SCN10A: variants seen among roughly 807,000 people sequenced by gnomAD.
The protein encoded by SCN10A is sodium voltage-gated channel alpha subunit 10, also known as sodium channel protein type 10 subunit alpha.
Under a neutral mutation model 170.7 loss-of-function variants are expected in SCN10A, and 162 were observed. That is an observed-to-expected ratio of 0.95 (90% confidence interval 0.84 to 1.08). The LOEUF (loss-of-function observed/expected upper bound fraction) is 1.08, where lower values mean the gene tolerates loss of function less well. Among genes scored for constraint, SCN10A ranks in the 50% least tolerant of loss-of-function variants. SCN10A has a pLI of 0.00. For synonymous variants in SCN10A, 985 were observed against 904.6 expected, an observed-to-expected ratio of 1.09 and a Z score of -1.59; for missense variants, 2,527 against 2,436.9, an observed-to-expected ratio of 1.04 and a Z score of -0.78.
intron 15 of SCN10A, among the ~76,000 whole-genome samples, chr3:38,737,356 C>G (rs1196079113): frequency 1.3e-5 from 2 of 152,084 alleles, no homozygotes; most frequent in African/African-American, 4.8e-5. Context: ...TGCATAGGTA[C>G]CTTATATTGA....
chr3:38,719,367 C>CTTTTTTTTTTTT (rs555646896), intron 20 of SCN10A, among the ~76,000 whole-genome samples: 1 of 69,106 alleles, frequency 1.4e-5, no homozygotes, highest in Non-Finnish European at 2.8e-5. Flanking sequence ...GGCTGCCACT[C>CTTTTTTTTTTTT]TTTTTTTTTT....
intron 12 of SCN10A, among the ~76,000 whole-genome samples, chr3:38,750,975 G>A (rs1370783555): frequency 6.6e-6 from 1 of 152,164 alleles, no homozygotes; most frequent in East Asian, 1.9e-4. Context: ...CATTTGCCCT[G>A]GAGACCTACT....
chr3:38,728,841 C>G lies in SCN10A; in HGVS notation c.2341G>C (p.Gly781Arg), dbSNP rs148851890. The change falls in exon 16 of 28, where the codon GGA (glycine) becomes CGA (arginine). Residue 781 changes from glycine (G) to arginine (R), a missense_variant. Coordinates refer to ENST00000449082, the MANE Select transcript of SCN10A (RefSeq NM_006514.4). ...PTLNTLIKII[G>R]NSVGALGNLT... is the part of the protein sequence containing the mutation. ...TTCCCCAGTGCCCCCACTGAGTTTC[C>G]GATGATCTTGATGAGTGTGTTTAAG... 6.2e-7 allele frequency: 1 copy of G among 1,614,156 alleles called. No homozygotes were observed.
chr3:38,725,310 T>C lies in SCN10A; in HGVS notation c.3092A>G (p.Glu1031Gly), dbSNP rs1368790006. ...ACACCTCTCGACTTGCTGCAGCTGC[T>C]CCTGCTAGTGAGAGAGGGTCCCAAC... ...QQEVIPKGQQ[E>G]QLQQVERCGD... The change falls in exon 18 of 28, where the codon GAG becomes GGG. Residue 1031 changes from glutamate (E) to glycine (G), a missense_variant. By Grantham distance (98) the Glu-to-Gly change is moderately conservative. Coordinates refer to ENST00000449082, the MANE Select transcript of SCN10A (RefSeq NM_006514.4). The C allele has an allele frequency of 6.3e-7, 1 of 1,577,946 alleles. No individual in the cohort carries two copies. The highest frequency in any genetic ancestry group is 2.3e-5 in the East Asian group (1 of 44,040).
intron 5 of SCN10A, among the ~76,000 whole-genome samples, chr3:38,763,909 G>T (rs573361908): frequency 6.6e-6 from 1 of 152,178 alleles, no homozygotes; most frequent in African/African-American, 2.4e-5. Flanking sequence ...GCCATGTCAG[G>T]GGGGTACAAG....
chr3:38,722,323 T>A lies in SCN10A; in HGVS notation c.3442A>T (p.Ile1148Phe), dbSNP rs201827217. ...CTCTCAAACCAGCTGTGCTCCACGA[T>A]ACGGTAGCAAGTCTTGCGCACCTGC... Reference protein sequence around the residue: ...GWQVRKTCYRIVEHSWFESFI... With the variant: ...GWQVRKTCYRFVEHSWFESFI... Residue 1148 changes from isoleucine to phenylalanine, a missense_variant, in exon 20 of 28, where the codon ATC (isoleucine) becomes TTC (phenylalanine). By Grantham distance (21) the Ile-to-Phe change is conservative (BLOSUM62 0). Transcript: ENST00000449082. 3.1e-6 allele frequency: 5 copies of A among 1,614,150 alleles called. No homozygotes were observed. The African/African-American group carries it at 6.7e-5, about 22-fold the overall frequency.
chr3:38,697,401 A>G lies in SCN10A; in HGVS notation c.5819T>C (p.Ile1940Thr), dbSNP rs1559405198. 1 of 1,614,188 alleles carries G rather than the reference A, an allele frequency of 6.2e-7. No homozygotes were observed. Residue 1940 changes from isoleucine to threonine, a missense_variant, in exon 28 of 28, where the codon ATA becomes ACA. By Grantham distance (89) the Ile-to-Thr change is moderately conservative. Transcript: ENST00000449082. ...DRVNMRTSSS[I>T]QNEDEATSME... Reference sequence around the variant, plus strand: ...ACTGGTGGCTTCATCTTCATTTTGTATTGAGCTAGATGTCCTCATGTTGAC... The same window carrying G: ...ACTGGTGGCTTCATCTTCATTTTGTGTTGAGCTAGATGTCCTCATGTTGAC...
intron 2 of SCN10A, 60 bp downstream of exon 2, chr3:38,793,681 G>A (rs562584140): frequency 1.8e-4 from 287 of 1,571,460 alleles, no homozygotes; most frequent in South Asian, 1.1e-3. Flanking sequence ...TCTGGGCTGG[G>A]TGGGACCGAG....
intron 1 of SCN10A, among the ~76,000 whole-genome samples, chr3:38,794,687 A>C (rs1374729291): frequency 6.6e-6 from 1 of 152,180 alleles, no homozygotes; most frequent in African/African-American, 2.4e-5. Context: ...AGGCTAAGTC[A>C]ATCTAGAACA....
chr3:38,722,365 G>A lies in SCN10A; in HGVS notation c.3400C>T (p.Pro1134Ser). 6.2e-7 allele frequency: 1 copy of A among 1,614,136 alleles called. No individual in the cohort carries two copies. ...CGCACCTGCCAGCCCACATCCCATG[G>A]ACTCTTGGTGGTATCCAGTTTGCAG... ...PCCKLDTTKSPWDVGWQVRKT... is the reference protein window; with the variant it reads ...PCCKLDTTKSSWDVGWQVRKT... The change falls in exon 20 of 28, where the codon CCA becomes TCA. Residue 1134 changes from proline (P) to serine (S), a missense_variant. Pro to Ser is a moderately conservative substitution (Grantham distance 74). Coordinates refer to ENST00000449082, the MANE Select transcript of SCN10A (RefSeq NM_006514.4).
chr3:38,708,225 G>A (rs1483799444), intron 25 of SCN10A, among the ~76,000 whole-genome samples: 1 of 152,124 alleles, frequency 6.6e-6, no homozygotes, highest in African/African-American at 2.4e-5. Context: ...GAAGGAAAGG[G>A]CAAGGGCAGT....
chr3:38,742,701 C>T (rs935779456), intron 13 of SCN10A, among the ~76,000 whole-genome samples, 172 bp from the exon 14 acceptor site: 1 of 152,200 alleles, frequency 6.6e-6, no homozygotes, highest in Non-Finnish European at 1.5e-5. Flanking sequence ...CTCCTTTAGT[C>T]CTGCAACTCC....
intron 10 of SCN10A, among the ~76,000 whole-genome samples, 196 bp from the exon 11 acceptor site, chr3:38,756,154 T>G (rs2063802329): frequency 6.6e-6 from 1 of 152,132 alleles, no homozygotes; most frequent in Admixed American, 6.6e-5. Context: ...TGGGGTACTC[T>G]GTTGGTGCCC....
chr3:38,803,505 A>G (rs2064386191), intron 1 of SCN10A, among the ~76,000 whole-genome samples: 1 of 152,134 alleles, frequency 6.6e-6, no homozygotes, highest in African/African-American at 2.4e-5. Context: ...TTGTAGGGAC[A>G]TGGATGAAGC....
chr3:38,736,978 T>TTTTC (rs2063570878), intron 15 of SCN10A, among the ~76,000 whole-genome samples: 1 of 109,396 alleles, frequency 9.1e-6, no homozygotes, highest in Non-Finnish European at 2.0e-5. Context: ...TTTTTTTTTT[T>TTTTC]TTTTTTTTTT....
intron 15 of SCN10A, among the ~76,000 whole-genome samples, chr3:38,737,747 TC>T (rs2063580383): frequency 2.6e-5 from 1 of 38,176 alleles, no homozygotes; most frequent in Non-Finnish European, 5.8e-5. Flanking sequence ...CCTCCCTCCC[TC>T]TCTCTCTCCC....
In SCN10A at chr3:38,725,188, G is replaced by A. The variant is rs1458693100; in HGVS notation, c.3214C>T (p.Gln1072Ter). ...GACATACCTACCTCAGCAGGGACCT[G>A]AGGAACAGACTCATCTTTCCACGTC... is the stretch of plus-strand genomic sequence containing the variant. ...GETWKDESVP[Q>*]VPAEGVDDTS... The change falls in exon 18 of 28, where the codon CAG (glutamine) becomes TAG (stop). Residue 1072 changes from glutamine to a stop codon, truncating the protein, a stop_gained. Coordinates refer to ENST00000449082, the MANE Select transcript of SCN10A (RefSeq NM_006514.4). LOFTEE classifies it high-confidence loss of function. 4.4e-6 allele frequency: 7 copies of A among 1,600,612 alleles called. No homozygotes were observed. The Admixed American group carries it at 1.2e-4, about 27-fold the overall frequency.
intron 15 of SCN10A, among the ~76,000 whole-genome samples, chr3:38,737,774 CTCT>C (rs2063581728): frequency 2.2e-5 from 2 of 89,172 alleles, no homozygotes; most frequent in East Asian, 8.9e-4. Flanking sequence ...CCCTCCCTCT[CTCT>C]CTCCCTCCCT....
At chr3:38,715,113 C>T (rs989512698) in intron 21 of SCN10A, among the ~76,000 whole-genome samples, 2 of 152,218 alleles carry the variant, frequency 1.3e-5, no homozygotes, top group Non-Finnish European at 2.9e-5. Context: ...TCATGCAAGG[C>T]TCCAGACATC....
Sources: gnomAD v4.1 joint callset for allele counts (sites outside exome capture counted in the v4.1 genomes callset) on GRCh38, gnomAD v4.1.1 for gene constraint, MANE v1.5 for transcripts, NCBI Gene and HGNC (gene_info 2026-07-23, HGNC 2026-07-21) for gene names.